The following SLC35F4 variants were observed in gnomAD, a reference collection of about 807,000 sequenced individuals.
SLC35F4 encodes chromosome 14 open reading frame 36.
Under a neutral mutation model 44.2 loss-of-function variants are expected in SLC35F4, and 24 were observed. The observed-to-expected ratio is 0.54, with a 90% confidence interval of 0.39 to 0.76. The LOEUF (loss-of-function observed/expected upper bound fraction) is 0.76, where lower values mean the gene tolerates loss of function less well. Among genes scored for constraint, SLC35F4 ranks in the 30% least tolerant of loss-of-function variants. The pLI is 0.00. For synonymous variants in SLC35F4, 238 were observed against 223.6 expected (o/e 1.06, Z -0.57); for missense variants, 562 against 586.1 (o/e 0.96, Z 0.42).
intron 1 of SLC35F4, among the ~76,000 whole-genome samples, chr14:57,964,192 GAAGA>G: frequency 6.6e-6 from 1 of 152,174 alleles, no homozygotes; most frequent in East Asian, 1.9e-4. Context: ...GAGCCATGAG[GAAGA>G]AAGAGAGGAA....
intron 1 of SLC35F4, among the ~76,000 whole-genome samples, chr14:57,761,546 G>A (rs558719499): frequency 1.3e-5 from 2 of 152,216 alleles, no homozygotes; most frequent in South Asian, 4.2e-4. Context: ...GCACTGATTT[G>A]TAAAATATCA....
chr14:57,697,264 T>C lies in SLC35F4; in HGVS notation c.104-103140A>G, dbSNP rs182639191. 2.1e-3 allele frequency among the ~76,000 whole-genome samples: 317 copies of C among 152,304 alleles called. 1 individual carries two copies. Among genetic ancestry groups the C allele is most frequent in the African/African-American group, 7.3e-3 (302 of 41,560 alleles). On this transcript the variant is annotated intron_variant, in intron 1 of 7. Transcript: ENST00000556826. The stretch of plus-strand genomic sequence containing the variant: ...AGTGTGCTATATAATTCTAAATATT[T>C]AGGGATTTTTCAAATGTCTTTTTGT...
chr14:57,608,093 CACAG>C, intron 1 of SLC35F4, among the ~76,000 whole-genome samples: 1 of 152,018 alleles, frequency 6.6e-6, no homozygotes, highest in East Asian at 1.9e-4. Flanking sequence ...CAGTTGGACA[CACAG>C]ATCTAGAGTT....
At chr14:57,730,225 TG>T (rs2076311178) in intron 1 of SLC35F4, among the ~76,000 whole-genome samples, 1 of 152,178 alleles carries the variant, frequency 6.6e-6, no homozygotes, top group Admixed American at 6.5e-5. Flanking sequence ...TTTTTTTGTG[TG>T]CAGATAGTTG....
At chr14:57,877,907 A>G (rs1888436219) in intron 1 of SLC35F4, among the ~76,000 whole-genome samples, 1 of 149,222 alleles carries the variant, frequency 6.7e-6, no homozygotes, top group Non-Finnish European at 1.5e-5. Flanking sequence ...CTGGTCTTGA[A>G]CTCCTGACCT....
chr14:57,826,964 C>T (rs577474887), intron 1 of SLC35F4, among the ~76,000 whole-genome samples: 3 of 151,998 alleles, frequency 2.0e-5, no homozygotes, highest in Non-Finnish European at 4.4e-5. Flanking sequence ...TCCTCAAAGA[C>T]CTAGAATCAG....
At chr14:57,920,843 C>T (rs1456949585) in intron 1 of SLC35F4, among the ~76,000 whole-genome samples, 3 of 152,194 alleles carry the variant, frequency 2.0e-5, no homozygotes, top group Admixed American at 2.0e-4. Context: ...CATTGAGAGA[C>T]TTGAGAAGAA....
At chr14:57,754,739 G>A (rs1366056055) in intron 1 of SLC35F4, among the ~76,000 whole-genome samples, 1 of 152,202 alleles carries the variant, frequency 6.6e-6, no homozygotes, top group Non-Finnish European at 1.5e-5. Context: ...CGGCCTCTGG[G>A]TATAGCAAAG....
chr14:57,779,509 G>T lies in SLC35F4; in HGVS notation c.103+86214C>A, dbSNP rs2077567465. 2.0e-5 allele frequency among the ~76,000 whole-genome samples: 3 copies of T among 151,730 alleles called. No homozygotes were observed. In the South Asian group the frequency reaches 6.2e-4, roughly 31 times the overall value. On this transcript the variant is annotated intron_variant, in intron 1 of 7. Coordinates refer to ENST00000556826, the MANE Select transcript of SLC35F4 (RefSeq NM_001306087.2). ...GTAATAAATGTACCAGATGTACAAA[G>T]AAGAGCTGATACCATTCCTACTGAA...
intron 1 of SLC35F4, among the ~76,000 whole-genome samples, chr14:57,833,102 G>C (rs1281552319): frequency 2.0e-5 from 3 of 152,158 alleles, no homozygotes; most frequent in Admixed American, 6.5e-5. Context: ...TCTCTATTTA[G>C]AGCTAGTAAA....
intron 1 of SLC35F4, among the ~76,000 whole-genome samples, chr14:57,681,388 C>CT (rs2074899432): frequency 6.6e-6 from 1 of 152,074 alleles, no homozygotes; most frequent in Non-Finnish European, 1.5e-5. Flanking sequence ...GGATTAAAGA[C>CT]TTAAAGGTAA....
intron 1 of SLC35F4, among the ~76,000 whole-genome samples, chr14:57,666,694 CA>C (rs1230505571): frequency 8.5e-5 from 12 of 140,756 alleles, no homozygotes; most frequent in Non-Finnish European, 1.4e-4. Flanking sequence ...GCATGATGGC[CA>C]AAAAAAAGGA....
chr14:57,618,803 G>C (rs2072008573), intron 1 of SLC35F4, among the ~76,000 whole-genome samples: 1 of 152,194 alleles, frequency 6.6e-6, no homozygotes, highest in African/African-American at 2.4e-5. Context: ...TGAAATTCTT[G>C]CTGCCAGCAC....
At chr14:57,905,263 T>A (rs997051616) in intron 1 of SLC35F4, among the ~76,000 whole-genome samples, 1 of 152,208 alleles carries the variant, frequency 6.6e-6, no homozygotes, top group Non-Finnish European at 1.5e-5. Flanking sequence ...CAGGGCTACT[T>A]GAATGTCCTC....
intron 1 of SLC35F4, among the ~76,000 whole-genome samples, chr14:57,615,468 C>CA (rs2071760387): frequency 6.6e-6 from 1 of 151,488 alleles, no homozygotes; most frequent in African/African-American, 2.4e-5. Context: ...AACTTATGTA[C>CA]TGGCTTTTGC....
At chr14:57,656,828 A>G (rs1000381149) in intron 1 of SLC35F4, among the ~76,000 whole-genome samples, 2 of 152,104 alleles carry the variant, frequency 1.3e-5, no homozygotes, top group Non-Finnish European at 2.9e-5. Flanking sequence ...ATTCTAGTCA[A>G]TTCCCCCAAC....
chr14:57,943,102 C>A (rs762029545), intron 1 of SLC35F4, among the ~76,000 whole-genome samples: 19 of 152,178 alleles, frequency 1.2e-4, no homozygotes, highest in Non-Finnish European at 2.1e-4. Context: ...CAGGAAACCA[C>A]CAAAATAACT....
chr14:57,616,040 C>T (rs750374267), intron 1 of SLC35F4, among the ~76,000 whole-genome samples: 1 of 152,196 alleles, frequency 6.6e-6, no homozygotes, highest in African/African-American at 2.4e-5. Flanking sequence ...CTGCTATTCT[C>T]TTATGTTTTT....
intron 1 of SLC35F4, among the ~76,000 whole-genome samples, chr14:57,902,110 G>A (rs1206301310): frequency 1.3e-5 from 2 of 152,144 alleles, no homozygotes; most frequent in Non-Finnish European, 2.9e-5. Context: ...CTGTCCCTTT[G>A]AGTGTAGACA....
Sources: gnomAD v4.1 joint callset for allele counts (sites outside exome capture counted in the v4.1 genomes callset) on GRCh38, gnomAD v4.1.1 for gene constraint, MANE v1.5 for transcripts, NCBI Gene and HGNC (gene_info 2026-07-23, HGNC 2026-07-21) for gene names.